The following ASTN2 variants were observed in gnomAD, a reference collection of about 807,000 sequenced individuals.
The protein encoded by ASTN2 is astrotactin-2.
ASTN2 carries 54 observed loss-of-function variants against 139.8 expected under a neutral mutation model. The observed-to-expected ratio is 0.39, with a 90% CI of 0.31 to 0.48. The LOEUF is 0.48. Ranked by LOEUF, ASTN2 falls within the 20% of genes least tolerant of loss-of-function variation. The pLI is 0.95. For missense variants in ASTN2, 1,565 were observed against 1,725.1 expected (o/e 0.91, Z 1.64); for synonymous variants, 756 against 719.5 (o/e 1.05, Z -0.81).
chr9:116,537,879 A>C (rs1252403945), intron 19 of ASTN2, among the ~76,000 whole-genome samples: 1 of 152,202 alleles, frequency 6.6e-6, no homozygotes, highest in Non-Finnish European at 1.5e-5. Context: ...TACCATTTGT[A>C]AATACAAGGC....
At chr9:116,627,809 C>T (rs1230657659) in intron 17 of ASTN2, among the ~76,000 whole-genome samples, 1 of 151,924 alleles carries the variant, frequency 6.6e-6, no homozygotes, top group African/African-American at 2.4e-5. Flanking sequence ...TTATTGAGTA[C>T]TTACTACAAG....
At chr9:116,691,766 G>A (rs1374831266) in intron 16 of ASTN2, among the ~76,000 whole-genome samples, 3 of 152,186 alleles carry the variant, frequency 2.0e-5, no homozygotes, top group African/African-American at 7.2e-5. Context: ...ATTCGTTAAA[G>A]TCAGTCCTGC....
At chr9:116,855,505 G>C (rs891026686) in intron 11 of ASTN2, among the ~76,000 whole-genome samples, 4 of 152,072 alleles carry the variant, frequency 2.6e-5, no homozygotes, top group Admixed American at 1.3e-4. Flanking sequence ...CCAATACTTA[G>C]CCTCTTTAGC....
chr9:116,887,907 A>G (rs1833658718), intron 10 of ASTN2, among the ~76,000 whole-genome samples: 1 of 152,116 alleles, frequency 6.6e-6, no homozygotes, highest in Non-Finnish European at 1.5e-5. Context: ...AGCTCAAGGG[A>G]TCCACCTACC....
chr9:117,132,652 T>C (rs892107664), intron 4 of ASTN2, among the ~76,000 whole-genome samples: 5 of 152,192 alleles, frequency 3.3e-5, no homozygotes, highest in Non-Finnish European at 7.3e-5. Context: ...GAGGCAGTTG[T>C]GTGCTCTGAC....
Position 116,697,878 on chromosome 9 carries a change from C to G in ASTN2, c.2806+27893G>C, listed in dbSNP as rs1193048642. The G allele has an allele frequency of 1.2e-6, 2 of 1,614,096 alleles. No individual in the cohort carries two copies. Among genetic ancestry groups the G allele is most frequent in the Non-Finnish European group, 1.7e-6 (2 of 1,180,054 alleles). The stretch of plus-strand genomic sequence containing the variant: ...GCACTGTGGCCATACCATCTGCCGC[C>G]AGTGCCTGGAGAAGCTATTGGCCAG... On this transcript the variant is annotated intron_variant, in intron 16 of 22. Coordinates refer to ENST00000313400, the MANE Select transcript of ASTN2 (RefSeq NM_001365068.1).
intron 19 of ASTN2, among the ~76,000 whole-genome samples, chr9:116,534,876 T>C (rs1851541277): frequency 6.6e-6 from 1 of 152,194 alleles, no homozygotes; most frequent in Non-Finnish European, 1.5e-5. Context: ...GTCTATTAGG[T>C]CCACTTGGTG....
chr9:116,646,193 G>A (rs532533410), intron 17 of ASTN2, among the ~76,000 whole-genome samples: 2 of 152,296 alleles, frequency 1.3e-5, no homozygotes, highest in East Asian at 3.9e-4. Context: ...TGTAAATAAA[G>A]TGTCTTGTAG....
intron 10 of ASTN2, among the ~76,000 whole-genome samples, chr9:116,903,905 C>T (rs1834087995): frequency 6.6e-6 from 1 of 152,182 alleles, no homozygotes. Flanking sequence ...GGCCAGCTCT[C>T]ACTTGCCTTC....
At chr9:117,233,843 A>G (rs894359629) in intron 2 of ASTN2, among the ~76,000 whole-genome samples, 1 of 152,234 alleles carries the variant, frequency 6.6e-6, no homozygotes, top group Non-Finnish European at 1.5e-5. Context: ...AACAGTGGTC[A>G]TAATAACCTA....
chr9:116,560,030 C>G (rs56848636), intron 19 of ASTN2, among the ~76,000 whole-genome samples: 24,145 of 152,132 alleles, frequency 0.16, 2,083 homozygotes, highest in African/African-American at 0.21. Flanking sequence ...CGGATTTGAA[C>G]CCAGGATGGT....
chr9:117,189,382 G>A (rs1831289970), intron 3 of ASTN2, among the ~76,000 whole-genome samples: 1 of 152,154 alleles, frequency 6.6e-6, no homozygotes, highest in Non-Finnish European at 1.5e-5. Context: ...TGGTTGAAAC[G>A]TTAAGATGGC....
At chr9:116,738,661 C>G (rs961998054) in intron 13 of ASTN2, among the ~76,000 whole-genome samples, 19 of 152,138 alleles carry the variant, frequency 1.2e-4, no homozygotes, top group African/African-American at 4.6e-4. Context: ...CATAAGAACT[C>G]TGTGAGACAG....
chr9:116,856,674 C>CTT (rs1832749897), intron 11 of ASTN2, among the ~76,000 whole-genome samples: 1 of 152,210 alleles, frequency 6.6e-6, no homozygotes, highest in Admixed American at 6.5e-5. Flanking sequence ...AGAAAGGCAG[C>CTT]TCTTGTTGTT....
intron 11 of ASTN2, among the ~76,000 whole-genome samples, chr9:116,828,139 A>G (rs1163589813): frequency 2.6e-5 from 4 of 151,994 alleles, no homozygotes; most frequent in Non-Finnish European, 5.9e-5. Flanking sequence ...TACTAAAAAT[A>G]CAAAAAAATT....
intron 1 of ASTN2, among the ~76,000 whole-genome samples, chr9:117,311,405 C>A (rs1236155050): frequency 6.6e-6 from 1 of 152,134 alleles, no homozygotes; most frequent in Non-Finnish European, 1.5e-5. Context: ...ACCAGTTATT[C>A]TGGCTCCTAG....
chr9:117,084,360 C>T (rs1429815889), intron 5 of ASTN2, among the ~76,000 whole-genome samples: 1 of 152,182 alleles, frequency 6.6e-6, no homozygotes, highest in African/African-American at 2.4e-5. Flanking sequence ...AAACCACAAA[C>T]AGCTGAACAT....
At chr9:116,925,915 T>C (rs1929010) in intron 10 of ASTN2, among the ~76,000 whole-genome samples, 132,238 of 151,974 alleles carry the variant, frequency 0.87, 57,996 homozygotes, top group Middle Eastern at 0.93. Flanking sequence ...CACATGCACA[T>C]AGGGATGCTC....
In ASTN2 at chr9:116,686,647, C is replaced by T. The variant is rs1180909930; in HGVS notation, c.2807-34854G>A. On this transcript the variant is annotated intron_variant, in intron 16 of 22. Transcript: ENST00000313400. ...AGATCACCTCCCACCTGGTAAGATT[C>T]CTCCACCTTCACCCGAGCAAAACTA... 3 of 1,522,620 alleles carry T rather than the reference C, an allele frequency of 2.0e-6. No individual in the cohort carries two copies. The East Asian group carries it at 7.4e-5, about 37-fold the overall frequency. 94.3% of individuals were successfully genotyped at this position (1,522,620 alleles called of 1,614,324 possible). A position where few individuals can be genotyped will look rare whatever the true frequency, so the allele number is the denominator to read the frequency against.
Sources: allele counts gnomAD v4.1 joint callset (sites outside exome capture counted in the v4.1 genomes callset), GRCh38; gene constraint gnomAD v4.1.1; transcripts MANE v1.5; gene names NCBI Gene and HGNC (gene_info 2026-07-23, HGNC 2026-07-21).